The following SGCZ variants were observed in gnomAD, a reference collection of about 807,000 sequenced individuals.
SGCZ encodes the protein zeta-sarcoglycan.
SGCZ carries 40 observed loss-of-function variants against 41.3 expected under a neutral mutation model. That is an observed-to-expected ratio of 0.97 (90% CI 0.75 to 1.26). The LOEUF is 1.26. Ranked by LOEUF, SGCZ falls within the 50% of genes most tolerant of loss-of-function variation. The probability of loss-of-function intolerance (pLI) is 0.00; values close to 1 mark genes in which losing one functional copy is unlikely to be tolerated. For synonymous variants in SGCZ, 206 were observed against 137.5 expected (o/e 1.50, Z -3.49); for missense variants, 552 against 369.8 (o/e 1.49, Z -4.04).
intron 3 of SGCZ, among the ~76,000 whole-genome samples, chr8:14,275,364 A>G (rs10112651): frequency 0.22 from 32,834 of 152,056 alleles, 3,732 homozygotes; most frequent in East Asian, 0.3. Context: ...CAGAAAATGG[A>G]AAGTTCTCTT....
At chr8:14,718,975 G>A (rs981052403) in intron 1 of SGCZ, among the ~76,000 whole-genome samples, 1 of 148,458 alleles carries the variant, frequency 6.7e-6, no homozygotes, top group African/African-American at 2.5e-5. Flanking sequence ...TTAGCATTAG[G>A]TATATCTTCC....
intron 1 of SGCZ, among the ~76,000 whole-genome samples, chr8:15,184,089 A>T (rs1293860943): frequency 4.6e-5 from 7 of 152,212 alleles, no homozygotes; most frequent in African/African-American, 1.7e-4. Flanking sequence ...TCAACAGCAC[A>T]TTCCAATTAC....
At chr8:14,313,185 A>T (rs935349415) in intron 3 of SGCZ, among the ~76,000 whole-genome samples, 34 of 152,286 alleles carry the variant, frequency 2.2e-4, no homozygotes, top group African/African-American at 7.9e-4. Flanking sequence ...ACTGGTTGAG[A>T]ATGTGACCCA....
At chr8:14,551,455 T>TTATATATAA (rs1563404043) in intron 2 of SGCZ, among the ~76,000 whole-genome samples, 578 of 6,000 alleles carry the variant, frequency 0.096, 79 homozygotes, top group South Asian at 0.15. Flanking sequence ...CATATATATA[T>TTATATATAA]TATATATATT....
intron 1 of SGCZ, among the ~76,000 whole-genome samples, chr8:14,588,330 G>C (rs1197223201): frequency 6.6e-6 from 1 of 151,876 alleles, no homozygotes; most frequent in Non-Finnish European, 1.5e-5. Context: ...GTAATGACCA[G>C]CACAATCAAT....
At chr8:15,099,545 T>C (rs974549578) in intron 1 of SGCZ, among the ~76,000 whole-genome samples, 5 of 152,298 alleles carry the variant, frequency 3.3e-5, no homozygotes, top group East Asian at 1.9e-4. Flanking sequence ...GAAGAAATGA[T>C]ACCAATTCAC....
rs147384921 is a variant in SGCZ, at chr8:14,704,556, T to C, written c.40-149630A>G. Among the ~76,000 whole-genome samples, 57 of 152,088 alleles carry C rather than the reference T, an allele frequency of 3.7e-4. 1 individual carries two copies. Among genetic ancestry groups the C allele is most frequent in the Admixed American group, 3.5e-3 (54 of 15,246 alleles). ...CAGAATCATGTACTTTGAAGTCAGA[T>C]AGAAATGAAATTAACACCAGGTCAT... On this transcript the variant is annotated intron_variant, in intron 1 of 7. Coordinates refer to ENST00000382080, the MANE Select transcript of SGCZ (RefSeq NM_139167.4).
intron 1 of SGCZ, among the ~76,000 whole-genome samples, chr8:14,886,578 AGT>A (rs1378178205): frequency 1.3e-5 from 2 of 152,074 alleles, no homozygotes; most frequent in Non-Finnish European, 2.9e-5. Flanking sequence ...CCCAGGGGCA[AGT>A]CCTGGGGAAA....
At chr8:14,657,629 C>T (rs1397668742) in intron 1 of SGCZ, among the ~76,000 whole-genome samples, 1 of 151,524 alleles carries the variant, frequency 6.6e-6, no homozygotes, top group Non-Finnish European at 1.5e-5. Context: ...TGCATTACTT[C>T]TAACTCTTTA....
chr8:14,705,103 GATT>G (rs752973826), intron 1 of SGCZ, among the ~76,000 whole-genome samples: 1 of 151,870 alleles, frequency 6.6e-6, no homozygotes. Context: ...TCCAAATGAA[GATT>G]AGCAGTGCCT....
chr8:14,973,759 C>G (rs900923387), intron 1 of SGCZ, among the ~76,000 whole-genome samples: 1 of 152,128 alleles, frequency 6.6e-6, no homozygotes, highest in Non-Finnish European at 1.5e-5. Context: ...ATCTGAAAGA[C>G]GACACGTTTT....
Position 14,164,576 on chromosome 8 carries a change from G to A in SGCZ, c.547+4C>T, listed in dbSNP as rs1804149251. 8 of 1,613,162 alleles carry A rather than the reference G, an allele frequency of 5.0e-6. No homozygotes were observed. In the African/African-American group the frequency reaches 5.3e-5, roughly 11 times the overall value. ...CAATTTTTCAAGACCTCCATCTACA[G>A]TACCTGTAACTTTCAGCTTTTCAGC... On this transcript the variant is annotated splice_donor_region_variant and intron_variant, in intron 5 of 7. Transcript: ENST00000382080.
Position 14,228,343 on chromosome 8 carries a change from T to C in SGCZ, c.424+9249A>G, listed in dbSNP as rs578070323. ...TAAGGTATGTAGTCATAAGGTCTAA[T>C]AAAATATCTAAAAGAGAAAATTTAA... On this transcript the variant is annotated intron_variant, in intron 4 of 7. Transcript: ENST00000382080. Among the ~76,000 whole-genome samples the C allele has an allele frequency of 1.7e-4, 26 of 152,252 alleles. 1 individual carries two copies. Among genetic ancestry groups the C allele is most frequent in the South Asian group, 6.2e-4 (3 of 4,830 alleles).
chr8:14,255,080 G>A (rs956178153), intron 3 of SGCZ, among the ~76,000 whole-genome samples: 1 of 152,086 alleles, frequency 6.6e-6, no homozygotes. Flanking sequence ...ATTAGTTCCA[G>A]ATAATTCTCT....
At chr8:14,775,765 A>C (rs1430035479) in intron 1 of SGCZ, among the ~76,000 whole-genome samples, 2 of 152,166 alleles carry the variant, frequency 1.3e-5, no homozygotes, top group Non-Finnish European at 2.9e-5. Context: ...AAAAGGTAAA[A>C]ATTTTGAAAT....
intron 2 of SGCZ, among the ~76,000 whole-genome samples, chr8:14,516,242 C>A (rs1802616988): frequency 6.6e-6 from 1 of 151,862 alleles, no homozygotes; most frequent in African/African-American, 2.4e-5. Flanking sequence ...ATTTCAACAA[C>A]AAGCTATTAA....
rs576974529 is a variant in SGCZ at position 14,985,525 on chromosome 8, T to C, written c.39+252060A>G. 1.2e-4 allele frequency among the ~76,000 whole-genome samples: 18 copies of C among 152,312 alleles called. No individual in the cohort carries two copies. The South Asian group carries it at 3.5e-3, about 30-fold the overall frequency. The stretch of plus-strand genomic sequence containing the variant: ...CTAAAATGCCCAGAGATTCAGAGTC[T>C]GACCTCAGTGCCTTGAATTAGAATT... On this transcript the variant is annotated intron_variant, in intron 1 of 7. Transcript: ENST00000382080.
intron 1 of SGCZ, among the ~76,000 whole-genome samples, chr8:14,620,386 C>T (rs966459541): frequency 1.3e-5 from 2 of 152,178 alleles, no homozygotes; most frequent in African/African-American, 4.8e-5. Context: ...TGGAGAAGGA[C>T]TTCATGTCTA....
chr8:14,878,348 A>G (rs1396833698), intron 1 of SGCZ, among the ~76,000 whole-genome samples: 1 of 151,994 alleles, frequency 6.6e-6, no homozygotes, highest in Non-Finnish European at 1.5e-5. Context: ...CATTTTGCAG[A>G]TATATTATGC....
Sources: allele counts gnomAD v4.1 joint callset (sites outside exome capture counted in the v4.1 genomes callset), GRCh38; gene constraint gnomAD v4.1.1; transcripts MANE v1.5; gene names NCBI Gene and HGNC (gene_info 2026-07-23, HGNC 2026-07-21).